The following SLC24A2 variants were observed in gnomAD, a reference collection of about 807,000 sequenced individuals.
SLC24A2 encodes solute carrier family 24 member 2, also known as sodium/potassium/calcium exchanger 2.
In SLC24A2, 36 loss-of-function variants were observed where a neutral mutation model predicts 62.0. That is an observed-to-expected ratio of 0.58 (90% CI 0.44 to 0.77). The LOEUF (loss-of-function observed/expected upper bound fraction) is 0.77, where lower values mean the gene tolerates loss of function less well. SLC24A2 is among the 30% of genes least tolerant of loss of function. SLC24A2 has a pLI of 0.00. For synonymous variants in SLC24A2, 358 were observed against 294.0 expected (o/e 1.22, Z -2.23); for missense variants, 846 against 817.9 (o/e 1.03, Z -0.42).
chr9:20,204,371 TAAACAG>T, the SLC24A2 span, among the ~76,000 whole-genome samples: 1 of 152,236 alleles, frequency 6.6e-6, no homozygotes. Context: ...TTTTGCCTTA[TAAACAG>T]AAGAATCTAC....
chr9:20,015,601 G>A, the SLC24A2 span, among the ~76,000 whole-genome samples: 1 of 152,218 alleles, frequency 6.6e-6, no homozygotes, highest in Non-Finnish European at 1.5e-5. Flanking sequence ...GGAAAACACA[G>A]TTCTAACTTA....
At chr9:20,211,123 G>A in the SLC24A2 span, among the ~76,000 whole-genome samples, 1 of 151,696 alleles carries the variant, frequency 6.6e-6, no homozygotes, top group Non-Finnish European at 1.5e-5. Context: ...AAAAAAAAGA[G>A]ACAAAGTTTG....
At chr9:20,112,657 C>T in the SLC24A2 span, among the ~76,000 whole-genome samples, 57 of 152,222 alleles carry the variant, frequency 3.7e-4, no homozygotes, top group African/African-American at 1.0e-3. Flanking sequence ...GAAGCCCTGC[C>T]TAGATGGACA....
At chr9:20,202,857 G>C in the SLC24A2 span, among the ~76,000 whole-genome samples, 1 of 152,142 alleles carries the variant, frequency 6.6e-6, no homozygotes, top group Non-Finnish European at 1.5e-5. Flanking sequence ...GTAATTTCCA[G>C]GGTTTCCCCA....
intron 2 of SLC24A2, among the ~76,000 whole-genome samples, chr9:19,648,411 G>T: frequency 6.6e-6 from 1 of 152,312 alleles, no homozygotes; most frequent in East Asian, 1.9e-4. Flanking sequence ...AGCACCCAAA[G>T]GAGTTGGATG....
At chr9:19,565,831 C>A (rs1835627451) in intron 7 of SLC24A2, among the ~76,000 whole-genome samples, 1 of 152,062 alleles carries the variant, frequency 6.6e-6, no homozygotes, top group South Asian at 2.1e-4. Context: ...ACCATCTGAT[C>A]TTTGACAAAC....
At chr9:19,804,844 A>C in the SLC24A2 span, among the ~76,000 whole-genome samples, 7 of 152,148 alleles carry the variant, frequency 4.6e-5, no homozygotes, top group African/African-American at 1.7e-4. Flanking sequence ...TAATCATAAA[A>C]TCATGTTAGA....
the SLC24A2 span, among the ~76,000 whole-genome samples, chr9:20,257,279 G>C: frequency 6.6e-6 from 1 of 152,100 alleles, no homozygotes; most frequent in East Asian, 1.9e-4. Flanking sequence ...AAGGCTTAGA[G>C]ATTTAGGAAC....
At chr9:19,769,936 A>C (rs1433349779) in intron 2 of SLC24A2, among the ~76,000 whole-genome samples, 1 of 152,030 alleles carries the variant, frequency 6.6e-6, no homozygotes, top group Non-Finnish European at 1.5e-5. Context: ...AAAGGCACTA[A>C]ATAGGTCAGT....
chr9:19,649,209 T>C (rs148337359), intron 2 of SLC24A2, among the ~76,000 whole-genome samples: 6 of 152,232 alleles, frequency 3.9e-5, no homozygotes, highest in African/African-American at 1.4e-4. Context: ...GCTTTGATAA[T>C]CAGGGTACAC....
At chr9:19,586,439 T>C (rs1395751366) in intron 5 of SLC24A2, among the ~76,000 whole-genome samples, 1 of 152,172 alleles carries the variant, frequency 6.6e-6, no homozygotes, top group Non-Finnish European at 1.5e-5. Context: ...TATTCTGTGC[T>C]TACCTTCCTT....
At chr9:20,043,458 T>G in the SLC24A2 span, among the ~76,000 whole-genome samples, 2 of 152,208 alleles carry the variant, frequency 1.3e-5, no homozygotes, top group Admixed American at 1.3e-4. Flanking sequence ...CTGGACAAAG[T>G]ATATTGAAAA....
chr9:20,225,577 T>TATATTATATATATATTATATATA, the SLC24A2 span, among the ~76,000 whole-genome samples: 2 of 57,908 alleles, frequency 3.5e-5, no homozygotes, highest in African/African-American at 1.0e-4. Flanking sequence ...TATATATAAT[T>TATATTATATATATATTATATATA]TCATTTAAAG....
chr9:19,588,150 G>C (rs923955519), intron 5 of SLC24A2, among the ~76,000 whole-genome samples: 1 of 149,966 alleles, frequency 6.7e-6, no homozygotes, highest in African/African-American at 2.5e-5. Context: ...GGCTAGTACT[G>C]GTTCAATACA....
At chr9:19,740,065 C>T (rs920044773) in intron 2 of SLC24A2, among the ~76,000 whole-genome samples, 11 of 152,038 alleles carry the variant, frequency 7.2e-5, no homozygotes, top group African/African-American at 1.7e-4. Context: ...CTGACCAGAC[C>T]GGTCAAAATG....
chr9:20,139,638 G>A, the SLC24A2 span, among the ~76,000 whole-genome samples: 1 of 152,112 alleles, frequency 6.6e-6, no homozygotes, highest in Non-Finnish European at 1.5e-5. Context: ...GCTGTGTGCT[G>A]GGGTATTATT....
At chr9:20,071,477 TG>T in the SLC24A2 span, among the ~76,000 whole-genome samples, 1 of 152,216 alleles carries the variant, frequency 6.6e-6, no homozygotes, top group Non-Finnish European at 1.5e-5. Context: ...ATTTTGCATG[TG>T]CAATGGATGT....
At position 19,527,582 on chromosome 9, in the gene SLC24A2, T is replaced by C. The variant is rs117686531; in HGVS notation, c.1569+467A>G. 7.0e-3 allele frequency among the ~76,000 whole-genome samples: 1,067 copies of C among 152,362 alleles called. 2 individuals carry two copies. The highest frequency in any genetic ancestry group is 9.9e-3 in the Non-Finnish European group (672 of 68,044). On this transcript the variant is annotated intron_variant, in intron 9 of 10. Coordinates refer to ENST00000341998, the MANE Select transcript of SLC24A2 (RefSeq NM_020344.4). Reference sequence around the variant, plus strand: ...CTTGTGATGGGCATTGTGACTCATATTGAGTTAAAAATAATAACAATACAT... The same window carrying C: ...CTTGTGATGGGCATTGTGACTCATACTGAGTTAAAAATAATAACAATACAT...
At chr9:19,630,016 T>C (rs867767786) in intron 2 of SLC24A2, among the ~76,000 whole-genome samples, 6 of 152,206 alleles carry the variant, frequency 3.9e-5, no homozygotes, top group South Asian at 2.1e-4. Context: ...TCTGTCCTTA[T>C]GGAACCTGCA....
Sources: allele counts gnomAD v4.1 joint callset (sites outside exome capture counted in the v4.1 genomes callset), GRCh38; gene constraint gnomAD v4.1.1; transcripts MANE v1.5; gene names NCBI Gene and HGNC (gene_info 2026-07-23, HGNC 2026-07-21).